The following CAST variants were observed in gnomAD, a reference collection of about 807,000 sequenced individuals.
CAST encodes the protein calpastatin, also known as MIR583 host.
Under a neutral mutation model 119.6 loss-of-function variants are expected in CAST, and 76 were observed. The observed-to-expected ratio is 0.64, with a 90% CI of 0.53 to 0.77. The LOEUF (loss-of-function observed/expected upper bound fraction) is 0.77. CAST is among the 30% of genes least tolerant of loss of function. The pLI is 0.00. For synonymous variants in CAST, 319 were observed against 331.6 expected (o/e 0.96, Z 0.41); for missense variants, 953 against 946.5 (o/e 1.01, Z -0.09).
the CAST span, among the ~76,000 whole-genome samples, chr5:96,234,584 C>T: frequency 1.3e-5 from 2 of 152,204 alleles, no homozygotes; most frequent in African/African-American, 4.8e-5. Flanking sequence ...TTCTAGCTTT[C>T]CTGTTCCACC....
At chr5:96,224,296 C>T in the CAST span, among the ~76,000 whole-genome samples, 1 of 152,136 alleles carries the variant, frequency 6.6e-6, no homozygotes, top group Non-Finnish European at 1.5e-5. Context: ...TTTTCTGTTG[C>T]CTTCTTTAGT....
chr5:96,701,845 T>C (rs534466351), intron 3 of CAST, among the ~76,000 whole-genome samples: 17 of 151,836 alleles, frequency 1.1e-4, no homozygotes, highest in Admixed American at 5.3e-4. Context: ...TCTTCTGCTC[T>C]GGAAATGTTA....
At chr5:96,125,623 T>C in the CAST span, among the ~76,000 whole-genome samples, 1 of 152,180 alleles carries the variant, frequency 6.6e-6, no homozygotes, top group African/African-American at 2.4e-5. Flanking sequence ...GATATAATTA[T>C]AGTACTATCC....
chr5:96,529,485 T>C (rs1413386315), upstream of CAST, among the ~76,000 whole-genome samples: 1 of 152,132 alleles, frequency 6.6e-6, no homozygotes, highest in East Asian at 1.9e-4. Flanking sequence ...GTTTAAAAAA[T>C]TAAATAAGCA....
chr5:96,623,011 G>A (rs565602142), intron 1 of CAST, among the ~76,000 whole-genome samples: 7 of 151,428 alleles, frequency 4.6e-5, no homozygotes, highest in East Asian at 1.9e-4. Context: ...CTACAGGTGC[G>A]CACCACCACA....
chr5:96,582,757 T>TA (rs1554069101), intron 1 of CAST, among the ~76,000 whole-genome samples: 1 of 152,206 alleles, frequency 6.6e-6, no homozygotes. Context: ...TAATTATTTT[T>TA]AAAAAACTAA....
chr5:96,331,758 C>A, the CAST span, among the ~76,000 whole-genome samples: 1 of 152,172 alleles, frequency 6.6e-6, no homozygotes, highest in Non-Finnish European at 1.5e-5. Flanking sequence ...ACTATCCCTG[C>A]CTGGTGGGTT....
the CAST span, among the ~76,000 whole-genome samples, chr5:96,081,141 C>A: frequency 6.6e-6 from 1 of 152,160 alleles, no homozygotes; most frequent in Non-Finnish European, 1.5e-5. Context: ...CAGAAGTAAG[C>A]AAAGGTTGAG....
At chr5:96,265,445 G>T in the CAST span, among the ~76,000 whole-genome samples, 1 of 152,112 alleles carries the variant, frequency 6.6e-6, no homozygotes, top group African/African-American at 2.4e-5. Context: ...TGGGGTAGAG[G>T]TTGGAGAAGG....
chr5:96,629,943 C>A (rs551970198), intron 1 of CAST, among the ~76,000 whole-genome samples: 41 of 152,314 alleles, frequency 2.7e-4, no homozygotes, highest in Non-Finnish European at 5.6e-4. Context: ...ACCAGCTAAG[C>A]CTGCAGTACG....
chr5:96,759,321 A>T (rs922446600), intron 24 of CAST, among the ~76,000 whole-genome samples: 1 of 152,184 alleles, frequency 6.6e-6, no homozygotes, highest in African/African-American at 2.4e-5. Context: ...ATAATAGAAC[A>T]GAAATGCTAT....
the CAST span, among the ~76,000 whole-genome samples, chr5:96,518,948 C>T: frequency 6.6e-6 from 1 of 151,422 alleles, no homozygotes; most frequent in Non-Finnish European, 1.5e-5. Context: ...TGCTTAAACC[C>T]GGGAGGCAGA....
the CAST span, among the ~76,000 whole-genome samples, chr5:96,144,182 C>T: frequency 6.6e-6 from 1 of 152,130 alleles, no homozygotes; most frequent in South Asian, 2.1e-4. Flanking sequence ...TTGGTGGAAA[C>T]ATTAATATTT....
chr5:96,475,606 G>A, the CAST span, among the ~76,000 whole-genome samples: 1 of 152,186 alleles, frequency 6.6e-6, no homozygotes, highest in Non-Finnish European at 1.5e-5. Context: ...CTGTGTAGAG[G>A]TTTGCAGCAG....
intron 1 of CAST, among the ~76,000 whole-genome samples, chr5:96,548,871 TC>T (rs774174916): frequency 4.3e-4 from 66 of 152,290 alleles, no homozygotes; most frequent in Non-Finnish European, 8.4e-4. Context: ...CCCTGAGTTT[TC>T]CCCAGACCAG....
chr5:96,399,669 G>A, the CAST span, among the ~76,000 whole-genome samples: 1 of 152,158 alleles, frequency 6.6e-6, no homozygotes, highest in Admixed American at 6.5e-5. Context: ...TCTTAAAACT[G>A]ATGGGTGGTT....
the CAST span, among the ~76,000 whole-genome samples, chr5:96,297,949 G>T: frequency 6.6e-6 from 1 of 152,060 alleles, no homozygotes; most frequent in Non-Finnish European, 1.5e-5. Flanking sequence ...TGAATGTGCG[G>T]GTGCTCTCAG....
the CAST span, among the ~76,000 whole-genome samples, chr5:96,135,997 G>T: frequency 4.0e-5 from 6 of 151,456 alleles, no homozygotes; most frequent in Admixed American, 3.9e-4. Context: ...GGAGGCGGAG[G>T]TTGTGGTGAG....
the CAST span, among the ~76,000 whole-genome samples, chr5:96,119,136 G>A: frequency 8.5e-5 from 13 of 152,112 alleles, no homozygotes; most frequent in Non-Finnish European, 1.5e-4. Flanking sequence ...GGGGAAAAAA[G>A]GATTGTGTTG....
Sources: allele counts gnomAD v4.1 joint callset (sites outside exome capture counted in the v4.1 genomes callset), GRCh38; gene constraint gnomAD v4.1.1; transcripts MANE v1.5; gene names NCBI Gene and HGNC (gene_info 2026-07-23, HGNC 2026-07-21).